ACSM6: variants seen among roughly 807,000 people sequenced by gnomAD.
ACSM6 encodes acyl-coenzyme A synthetase ACSM6, mitochondrial.
Under a neutral mutation model 51.1 loss-of-function variants are expected in ACSM6, and 35 were observed. The ratio of observed to expected loss-of-function variants is 0.69; its 90% confidence interval spans 0.52 to 0.91. ACSM6 has a LOEUF of 0.91. Among genes scored for constraint, ACSM6 ranks in the 40% least tolerant of loss-of-function variants. The pLI is 0.00. For synonymous variants in ACSM6, 172 were observed against 207.3 expected (o/e 0.83, Z 1.46); for missense variants, 509 against 584.1 (o/e 0.87, Z 1.32).
At chr10:95,228,134 C>T (rs2035058882) in intron 10 of ACSM6, 1 of 152,200 alleles carries the variant, frequency 6.6e-6, no homozygotes, top group Admixed American at 6.6e-5. Flanking sequence ...GGGCCAATCT[C>T]ATGCAAAGGG....
At chr10:95,211,731 C>T in intron 5 of ACSM6, 147 bp from the exon 6 acceptor site, 2 of 810,062 alleles carry the variant, frequency 2.5e-6, no homozygotes, top group South Asian at 2.1e-5. Flanking sequence ...GTCCATTGGC[C>T]TCATGACCTC....
At chr10:95,223,159 GACACACACACAC>G (rs10572248) in intron 9 of ACSM6, among the ~76,000 whole-genome samples, 7 of 146,798 alleles carry the variant, frequency 4.8e-5, no homozygotes, top group Non-Finnish European at 1.0e-4. Flanking sequence ...CACACATACA[GACACACACACAC>G]ACACACACAC....
chr10:95,219,810 A>G, intron 8 of ACSM6, 81 bp from the exon 9 acceptor site: 3 of 1,050,592 alleles, frequency 2.9e-6, no homozygotes, highest in Non-Finnish European at 4.3e-6. Flanking sequence ...GGAGGCACAT[A>G]ATGTCTGGTT....
At chr10:95,226,685 C>T (rs1214154056) in intron 10 of ACSM6, among the ~76,000 whole-genome samples, 1 of 152,208 alleles carries the variant, frequency 6.6e-6, no homozygotes, top group Non-Finnish European at 1.5e-5. Context: ...TCCATTTTAT[C>T]TATAAAGAGA....
intron 6 of ACSM6, 70 bp downstream of exon 6, chr10:95,212,104 A>T: frequency 6.4e-7 from 1 of 1,569,978 alleles, no homozygotes; most frequent in Non-Finnish European, 8.7e-7. Context: ...TGACCCAGTG[A>T]CTCATGCCCA....
intron 4 of ACSM6, among the ~76,000 whole-genome samples, chr10:95,208,926 G>A (rs562679401): frequency 1.3e-3 from 101 of 77,338 alleles, no homozygotes; most frequent in African/African-American, 3.3e-3. Context: ...CAGTGTCCAG[G>A]GATGTTTAAA....
At chr10:95,207,631 A>G (rs2034854020) in intron 4 of ACSM6, among the ~76,000 whole-genome samples, 1 of 152,166 alleles carries the variant, frequency 6.6e-6, no homozygotes, top group Non-Finnish European at 1.5e-5. Context: ...AACCCCCAAC[A>G]CAAGCATCCC....
chr10:95,213,481 T>A (rs1046739122), intron 7 of ACSM6, among the ~76,000 whole-genome samples: 3 of 152,212 alleles, frequency 2.0e-5, no homozygotes, highest in African/African-American at 7.2e-5. Context: ...ATAGATGGTA[T>A]CTGTTTATAT....
exon 2 of ACSM6, chr10:95,194,669 C>T: frequency 6.4e-7 from 1 of 1,551,626 alleles, no homozygotes; most frequent in South Asian, 1.2e-5. Context: ...GTGGTCCCAG[C>T]TGGAAAAGGT....
At chr10:95,226,948 T>C (rs1376264860) in intron 10 of ACSM6, among the ~76,000 whole-genome samples, 2 of 152,110 alleles carry the variant, frequency 1.3e-5, no homozygotes, top group Admixed American at 6.5e-5. Flanking sequence ...CCTGTTTTTT[T>C]ACTTATGATT....
At chr10:95,221,618 A>G (rs1345329963) in intron 9 of ACSM6, among the ~76,000 whole-genome samples, 1 of 152,102 alleles carries the variant, frequency 6.6e-6, no homozygotes, top group East Asian at 1.9e-4. Context: ...ATTATATGTC[A>G]ACAAAATAGA....
At chr10:95,197,902 T>C (rs542039111) in intron 2 of ACSM6, among the ~76,000 whole-genome samples, 2 of 152,410 alleles carry the variant, frequency 1.3e-5, no homozygotes, top group South Asian at 4.1e-4. Flanking sequence ...CTTTCCGCAG[T>C]GCACTGTGCC....
At chr10:95,207,530 C>A in intron 4 of ACSM6, 115 bp downstream of exon 4, 1 of 1,086,550 alleles carries the variant, frequency 9.2e-7, no homozygotes, top group South Asian at 1.3e-5. Flanking sequence ...ATGGCAATTT[C>A]TATGCAAGAT....
chr10:95,221,518 G>A (rs535564482), intron 9 of ACSM6, among the ~76,000 whole-genome samples: 4 of 152,142 alleles, frequency 2.6e-5, no homozygotes, highest in East Asian at 1.9e-4. Context: ...CTCAGCAGGC[G>A]GGGGTTGCAG....
rs150021883 is a variant in ACSM6, at chr10:95,219,888, C to T, written c.1120-3C>T. 5.5e-3 allele frequency: 8,846 copies of T among 1,608,542 alleles called. 33 individuals are homozygous for T. Among genetic ancestry groups the T allele is most frequent in the Middle Eastern group, 7.3e-3 (44 of 6,042 alleles). On this transcript the variant is annotated splice_polypyrimidine_tract_variant and splice_region_variant and intron_variant, in intron 8 of 10. Coordinates refer to ENST00000341686, the Ensembl canonical transcript of ACSM6. ...AAAAACTTGTCTGCATTTCTTTGAA[C>T]AGGGTCTACTCTGTGCCACTTCCAA...
At chr10:95,207,748 T>C (rs2034855127) in intron 4 of ACSM6, among the ~76,000 whole-genome samples, 1 of 150,730 alleles carries the variant, frequency 6.6e-6, no homozygotes, top group South Asian at 2.1e-4. Flanking sequence ...AATATAAACA[T>C]ATTACAAAAA....
intron 8 of ACSM6, 146 bp downstream of exon 8, chr10:95,215,121 C>G (rs549268494): frequency 1.1e-6 from 1 of 898,038 alleles, no homozygotes; most frequent in Non-Finnish European, 1.6e-6. Flanking sequence ...ACTAGGGAGA[C>G]CCCTCTTCCA....
intron 9 of ACSM6, among the ~76,000 whole-genome samples, chr10:95,220,191 T>G (rs1348102933): frequency 6.6e-6 from 1 of 152,226 alleles, no homozygotes; most frequent in East Asian, 1.9e-4. Flanking sequence ...CTGACAATTT[T>G]GCAGAATATC....
chr10:95,203,701 A>G (rs548627507), intron 3 of ACSM6, among the ~76,000 whole-genome samples: 1 of 152,206 alleles, frequency 6.6e-6, no homozygotes, highest in Non-Finnish European at 1.5e-5. Flanking sequence ...TTTATCTGCT[A>G]TAGTACCTGA....
Sources: allele counts gnomAD v4.1 joint callset (sites outside exome capture counted in the v4.1 genomes callset), GRCh38; gene constraint gnomAD v4.1.1; transcripts MANE v1.5; gene names NCBI Gene and HGNC (gene_info 2026-07-23, HGNC 2026-07-21).